Variants in DAB1 observed in about 807,000 individuals in gnomAD.
DAB1 encodes the protein disabled homolog 1.
DAB1 carries 15 observed loss-of-function variants against 64.6 expected under a neutral mutation model. The ratio of observed to expected loss-of-function variants is 0.23; its 90% CI spans 0.16 to 0.36. The LOEUF is 0.36. Ranked by LOEUF, DAB1 falls within the 10% of genes least tolerant of loss-of-function variation. The pLI, the probability that DAB1 is intolerant of heterozygous loss-of-function variation, is 1.00. For missense variants in DAB1, 596 were observed against 706.7 expected (o/e 0.84, Z 1.78); for synonymous variants, 235 against 251.9 (o/e 0.93, Z 0.64).
At chr1:57,374,860 C>T (rs1680774774) in intron 1 of DAB1, among the ~76,000 whole-genome samples, 2 of 152,140 alleles carry the variant, frequency 1.3e-5, no homozygotes, top group African/African-American at 2.4e-5. Context: ...CTGTTTGGTC[C>T]GGGAGTGTAG....
intron 7 of DAB1, among the ~76,000 whole-genome samples, chr1:57,488,221 G>A (rs1001204995): frequency 6.6e-6 from 1 of 151,994 alleles, no homozygotes; most frequent in Non-Finnish European, 1.5e-5. Context: ...GGCTAACACG[G>A]TGAAACCCTG....
At chr1:57,888,025 T>C (rs1395387636), upstream of DAB1, among the ~76,000 whole-genome samples, 3 of 152,176 alleles carry the variant, frequency 2.0e-5, no homozygotes, top group Non-Finnish European at 2.9e-5. Context: ...AGAAACCAAC[T>C]CTTCATTTAA....
chr1:57,276,496 C>A (rs78042093), intron 2 of DAB1, among the ~76,000 whole-genome samples: 2,277 of 152,316 alleles, frequency 0.015, 63 homozygotes, highest in African/African-American at 0.051. Flanking sequence ...TATTATGCAC[C>A]TGGCCCTATG....
At chr1:57,171,674 C>T (rs1661781430) in intron 2 of DAB1, among the ~76,000 whole-genome samples, 2 of 152,114 alleles carry the variant, frequency 1.3e-5, no homozygotes, top group Non-Finnish European at 2.9e-5. Context: ...TATTACATAT[C>T]ATAGGAAAAC....
At chr1:58,420,255 C>A (rs1161719896) in intron 3 of DAB1, among the ~76,000 whole-genome samples, 1 of 152,168 alleles carries the variant, frequency 6.6e-6, no homozygotes, top group African/African-American at 2.4e-5. Flanking sequence ...TCCCTCTTAG[C>A]CACAGCCATC....
At chr1:57,364,150 T>C (rs563176146) in intron 1 of DAB1, among the ~76,000 whole-genome samples, 1 of 152,276 alleles carries the variant, frequency 6.6e-6, no homozygotes, top group East Asian at 1.9e-4. Context: ...CACAGGTTCA[T>C]GGCCATGGGG....
intron 4 of DAB1, among the ~76,000 whole-genome samples, chr1:58,249,132 A>G (rs545677605): frequency 6.6e-6 from 1 of 152,140 alleles, no homozygotes; most frequent in South Asian, 2.1e-4. Context: ...TGCAAAGTCC[A>G]CCCATACTGC....
intron 3 of DAB1, among the ~76,000 whole-genome samples, chr1:58,393,889 T>A (rs911522680): frequency 6.6e-6 from 1 of 152,162 alleles, no homozygotes; most frequent in Non-Finnish European, 1.5e-5. Context: ...TTACCACACA[T>A]AAAAAGTATG....
intron 1 of DAB1, among the ~76,000 whole-genome samples, chr1:58,545,671 A>G (rs1481594409): frequency 6.6e-6 from 1 of 152,244 alleles, no homozygotes; most frequent in Non-Finnish European, 1.5e-5. Context: ...TTCTTTAAGT[A>G]CCATCTCCGA....
chr1:58,078,484 A>C (rs1046210342), intron 5 of DAB1, among the ~76,000 whole-genome samples: 2 of 152,224 alleles, frequency 1.3e-5, no homozygotes, highest in Non-Finnish European at 2.9e-5. Flanking sequence ...GTTTCCAAGA[A>C]GGAAGTTAAA....
chr1:57,000,905 T>A (rs937092848), intron 14 of DAB1, among the ~76,000 whole-genome samples: 1 of 152,194 alleles, frequency 6.6e-6, no homozygotes, highest in Non-Finnish European at 1.5e-5. Context: ...AATGCCACAC[T>A]GCATTAAGTT....
In DAB1 at chr1:57,553,442, G is replaced by GAAAGAAAGAAAA. The variant is rs59263518; in HGVS notation, n.625+96149_625+96150insTTTTCTTTCTTT. On this transcript the variant is annotated intron_variant and non_coding_transcript_variant, in intron 7 of 20. Transcript: ENST00000485760. ...AGAAAGAAAGAAAGAAAGAAAGAAAGAGAAAGAAAGAAAGAAAGAGAAAGG... is the reference window on the plus strand; with the variant it reads ...AGAAAGAAAGAAAGAAAGAAAGAAAGAAAGAAAGAAAAAGAAAGAAAGAAAGAAAGAGAAAGG... Among the ~76,000 whole-genome samples the GAAAGAAAGAAAA allele has an allele frequency of 2.9e-5, 2 of 68,152 alleles. 1 individual carries two copies. The highest frequency in any genetic ancestry group is 5.6e-5 in the Non-Finnish European group (2 of 35,794). The allele number at this position is 68,152 out of a possible 152,430, so 44.7% of individuals were successfully genotyped here. A position where few individuals can be genotyped will look rare whatever the true frequency, so the allele number is the denominator to read the frequency against.
intron 6 of DAB1, among the ~76,000 whole-genome samples, chr1:57,676,466 T>C (rs1646567355): frequency 1.3e-5 from 2 of 152,170 alleles, no homozygotes; most frequent in African/African-American, 2.4e-5. Context: ...TACCAAGGCA[T>C]GCAGCAATTC....
chr1:57,934,298 A>G (rs1187273590), intron 5 of DAB1, among the ~76,000 whole-genome samples: 4 of 152,154 alleles, frequency 2.6e-5, no homozygotes, highest in African/African-American at 9.7e-5. Flanking sequence ...GAATTTGAAA[A>G]GACTTAAAAG....
chr1:57,030,948 TATTA>T (rs1646947827), intron 9 of DAB1, among the ~76,000 whole-genome samples: 1 of 152,244 alleles, frequency 6.6e-6, no homozygotes, highest in Non-Finnish European at 1.5e-5. Flanking sequence ...AAAATGAAGT[TATTA>T]ATTAAGTCAC....
At chr1:58,247,254 C>T in intron 4 of DAB1, among the ~76,000 whole-genome samples, 1 of 107,592 alleles carries the variant, frequency 9.3e-6, no homozygotes, top group Admixed American at 1.1e-4. Flanking sequence ...ATTCATTTTT[C>T]ATTTCCCCCC....
intron 6 of DAB1, among the ~76,000 whole-genome samples, chr1:57,738,337 A>G (rs578147680): frequency 1.3e-5 from 2 of 152,324 alleles, no homozygotes; most frequent in African/African-American, 4.8e-5. Flanking sequence ...GCTGGTCTCC[A>G]GTTTCCCCAT....
At chr1:57,341,601 T>C (rs1677591412) in intron 1 of DAB1, among the ~76,000 whole-genome samples, 1 of 152,190 alleles carries the variant, frequency 6.6e-6, no homozygotes, top group Non-Finnish European at 1.5e-5. Flanking sequence ...AAAGGGTCCT[T>C]CAAAAACAGA....
intron 6 of DAB1, among the ~76,000 whole-genome samples, chr1:57,663,388 T>C (rs576005005): frequency 8.5e-5 from 13 of 152,092 alleles, no homozygotes; most frequent in African/African-American, 9.7e-5. Flanking sequence ...GGTGGGTACA[T>C]AGAAGCTTAG....
Sources: allele counts gnomAD v4.1 joint callset (sites outside exome capture counted in the v4.1 genomes callset), GRCh38; gene constraint gnomAD v4.1.1; transcripts MANE v1.5; gene names NCBI Gene and HGNC (gene_info 2026-07-23, HGNC 2026-07-21).